The following PDE4B variants were observed in gnomAD, a reference collection of about 807,000 sequenced individuals.
PDE4B encodes the protein 3',5'-cyclic-AMP phosphodiesterase 4B.
A neutral mutation model predicts 82.2 loss-of-function variants in PDE4B; 20 were observed. That is an observed-to-expected ratio of 0.24 (90% CI 0.17 to 0.35). The LOEUF (loss-of-function observed/expected upper bound fraction) is 0.35. PDE4B is among the 10% of genes least tolerant of loss of function. The probability of loss-of-function intolerance (pLI) is 1.00; values close to 1 mark genes in which losing one functional copy is unlikely to be tolerated. For synonymous variants in PDE4B, 320 were observed against 318.9 expected (o/e 1.00, Z -0.04); for missense variants, 655 against 907.2 (o/e 0.72, Z 3.57).
intron 3 of PDE4B, among the ~76,000 whole-genome samples, chr1:66,023,421 C>A (rs1653254204): frequency 6.6e-6 from 1 of 151,954 alleles, no homozygotes; most frequent in Admixed American, 6.6e-5. Context: ...TTGGCACAGA[C>A]AAAAGAAGTA....
At chr1:66,208,040 T>TC (rs1466174299) in intron 3 of PDE4B, among the ~76,000 whole-genome samples, 1 of 152,166 alleles carries the variant, frequency 6.6e-6, no homozygotes, top group East Asian at 1.9e-4. Context: ...AAGGGAAACC[T>TC]CTTATTTTCA....
chr1:65,834,326 C>T (rs567736252), intron 1 of PDE4B, among the ~76,000 whole-genome samples: 1 of 152,202 alleles, frequency 6.6e-6, no homozygotes, highest in East Asian at 1.9e-4. Context: ...TTACAGGCGC[C>T]TGGCCTAAGC....
chr1:66,266,301 T>C (rs147084491), intron 7 of PDE4B: 8 of 581,932 alleles, frequency 1.4e-5, no homozygotes, highest in Non-Finnish European at 2.5e-5. Context: ...GCCCATTGTA[T>C]GTGCAGGCTT....
chr1:65,905,386 C>G (rs559233182), intron 1 of PDE4B, among the ~76,000 whole-genome samples: 1 of 151,940 alleles, frequency 6.6e-6, no homozygotes, highest in Admixed American at 6.6e-5. Flanking sequence ...TACATCCAGT[C>G]GAACTAAAGC....
At chr1:66,204,152 C>T (rs1211617261) in intron 3 of PDE4B, among the ~76,000 whole-genome samples, 1 of 152,222 alleles carries the variant, frequency 6.6e-6, no homozygotes. Context: ...GCGGTGGCTG[C>T]AGAACAGCAG....
At chr1:66,215,124 A>G (rs760905672) in intron 3 of PDE4B, among the ~76,000 whole-genome samples, 2 of 152,132 alleles carry the variant, frequency 1.3e-5, no homozygotes, top group Non-Finnish European at 2.9e-5. Context: ...AGGAGGTGCA[A>G]AGCTCAGCAC....
At chr1:66,140,489 C>G (rs542730569) in intron 3 of PDE4B, among the ~76,000 whole-genome samples, 2 of 152,184 alleles carry the variant, frequency 1.3e-5, no homozygotes, top group South Asian at 4.1e-4. Context: ...GAAAAACTTG[C>G]AGAATGTGTT....
At chr1:66,204,288 G>A (rs1335576292) in intron 3 of PDE4B, among the ~76,000 whole-genome samples, 1 of 152,256 alleles carries the variant, frequency 6.6e-6, no homozygotes, top group East Asian at 1.9e-4. Context: ...AGGCTGCTCG[G>A]GGGTCAGGGA....
At chr1:66,162,266 A>G (rs17128474) in intron 3 of PDE4B, among the ~76,000 whole-genome samples, 4,011 of 106,846 alleles carry the variant, frequency 0.038, 195 homozygotes, top group African/African-American at 0.13. Flanking sequence ...AAGACTTGTG[A>G]TTTCATAGGC....
chr1:65,976,675 TG>T (rs1261431349), intron 3 of PDE4B, among the ~76,000 whole-genome samples: 2 of 152,152 alleles, frequency 1.3e-5, no homozygotes, highest in African/African-American at 4.8e-5. Flanking sequence ...CTTGTGATAG[TG>T]AGTGAGTTCT....
chr1:66,073,430 A>ATG (rs1359142471), intron 3 of PDE4B, among the ~76,000 whole-genome samples: 3 of 152,144 alleles, frequency 2.0e-5, no homozygotes, highest in Non-Finnish European at 4.4e-5. Flanking sequence ...TCTCAATAAT[A>ATG]TGTCAAGTGC....
At chr1:65,932,335 T>TGAGGA (rs1428548393) in intron 3 of PDE4B, among the ~76,000 whole-genome samples, 2 of 152,078 alleles carry the variant, frequency 1.3e-5, no homozygotes, top group African/African-American at 4.8e-5. Flanking sequence ...GGGGGCTACT[T>TGAGGA]GAGGAATGGC....
At chr1:66,141,841 GA>G (rs1454492589) in intron 3 of PDE4B, among the ~76,000 whole-genome samples, 1 of 152,096 alleles carries the variant, frequency 6.6e-6, no homozygotes, top group Non-Finnish European at 1.5e-5. Flanking sequence ...GAGGTATCAT[GA>G]AAACAGCAAG....
intron 3 of PDE4B, among the ~76,000 whole-genome samples, chr1:65,981,285 G>A (rs944381205): frequency 6.6e-6 from 1 of 152,088 alleles, no homozygotes; most frequent in Non-Finnish European, 1.5e-5. Context: ...ACATGCCAAG[G>A]TACGTTAAAC....
chr1:65,887,325 C>T (rs1326837518), intron 1 of PDE4B, among the ~76,000 whole-genome samples: 1 of 105,818 alleles, frequency 9.5e-6, no homozygotes, highest in African/African-American at 3.7e-5. Flanking sequence ...CCCTTCCTTC[C>T]TTCTTTTCTT....
intron 3 of PDE4B, among the ~76,000 whole-genome samples, chr1:66,103,237 G>A (rs1334033451): frequency 1.3e-5 from 2 of 151,778 alleles, no homozygotes; most frequent in Admixed American, 1.3e-4. Flanking sequence ...GAGAAATCCT[G>A]CCTCACGCAA....
At chr1:65,805,185 G>A (rs574610607) in intron 1 of PDE4B, among the ~76,000 whole-genome samples, 3 of 152,092 alleles carry the variant, frequency 2.0e-5, no homozygotes, top group African/African-American at 7.2e-5. Context: ...GGCTGGTCTC[G>A]AACTCCTGAA....
At chr1:65,843,580 T>C (rs925395822) in intron 1 of PDE4B, among the ~76,000 whole-genome samples, 1 of 152,208 alleles carries the variant, frequency 6.6e-6, no homozygotes, top group Non-Finnish European at 1.5e-5. Context: ...CTTGAGTTTC[T>C]TAATGTGAAA....
intron 3 of PDE4B, among the ~76,000 whole-genome samples, chr1:66,104,996 A>G (rs1339331580): frequency 2.0e-5 from 3 of 151,850 alleles, no homozygotes; most frequent in Non-Finnish European, 2.9e-5. Context: ...TTGGTGTTTT[A>G]GACATGAAGT....
Sources: gnomAD v4.1 joint callset for allele counts (sites outside exome capture counted in the v4.1 genomes callset) on GRCh38, gnomAD v4.1.1 for gene constraint, MANE v1.5 for transcripts, NCBI Gene and HGNC (gene_info 2026-07-23, HGNC 2026-07-21) for gene names.